CNTNAP2: variants seen among roughly 807,000 people sequenced by gnomAD.
CNTNAP2 encodes contactin associated protein 2.
CNTNAP2 carries 98 observed loss-of-function variants against 155.2 expected under a neutral mutation model. The observed-to-expected ratio is 0.63, with a 90% CI of 0.54 to 0.75. The LOEUF (loss-of-function observed/expected upper bound fraction) is 0.75, where lower values mean the gene tolerates loss of function less well. Among genes scored for constraint, CNTNAP2 ranks in the 30% least tolerant of loss-of-function variants. The pLI, the probability that CNTNAP2 is intolerant of heterozygous loss-of-function variation, is 0.00. For synonymous variants in CNTNAP2, 651 were observed against 631.2 expected (o/e 1.03, Z -0.47); for missense variants, 1,727 against 1,688.1 (o/e 1.02, Z -0.40).
intron 1 of CNTNAP2, among the ~76,000 whole-genome samples, chr7:146,575,956 T>G (rs1374454305): frequency 6.6e-6 from 1 of 152,168 alleles, no homozygotes; most frequent in Admixed American, 6.5e-5. Context: ...AGATACACCT[T>G]AATGGTGATT....
At chr7:147,738,656 T>TA (rs1796899992) in intron 13 of CNTNAP2, among the ~76,000 whole-genome samples, 1 of 57,638 alleles carries the variant, frequency 1.7e-5, no homozygotes, top group South Asian at 4.4e-4. Context: ...ATAACTTTTT[T>TA]TTTTTATTTT....
chr7:146,224,297 A>G (rs1799255403), intron 1 of CNTNAP2, among the ~76,000 whole-genome samples: 2 of 152,156 alleles, frequency 1.3e-5, no homozygotes, highest in African/African-American at 4.8e-5. Context: ...AAATGAAAAT[A>G]CTGTTTATTA....
chr7:146,313,674 G>A (rs1428014423), intron 1 of CNTNAP2, among the ~76,000 whole-genome samples: 4 of 152,050 alleles, frequency 2.6e-5, no homozygotes, highest in African/African-American at 9.7e-5. Context: ...TGTAGTTTTA[G>A]GTCTTATATT....
At chr7:147,034,606 G>T (rs1799111018) in intron 3 of CNTNAP2, among the ~76,000 whole-genome samples, 2 of 152,162 alleles carry the variant, frequency 1.3e-5, no homozygotes, top group Admixed American at 1.3e-4. Flanking sequence ...TCTTGCCTTG[G>T]TGTATCAGAA....
At position 148,118,103 on chromosome 7, in the gene CNTNAP2, G is replaced by C. The variant is rs1485587001; in HGVS notation, c.2384-15G>C. ...GGGTGTGAGTTAACCTGATTTTTTT[G>C]TTTTCTTCCCACAGGGAATTATTGG... On this transcript the variant is annotated splice_polypyrimidine_tract_variant and intron_variant, in intron 15 of 23. Coordinates refer to ENST00000361727, the MANE Select transcript of CNTNAP2 (RefSeq NM_014141.6). 6.2e-7 allele frequency: 1 copy of C among 1,613,430 alleles called. No homozygotes were observed. Among genetic ancestry groups the C allele is most frequent in the East Asian group, 2.2e-5 (1 of 44,868 alleles).
rs549912702 is a variant in CNTNAP2 at position 146,167,266 on chromosome 7, CATT to C, written c.97+50294_97+50296del. Among the ~76,000 whole-genome samples the C allele has an allele frequency of 8.0e-3, 1,217 of 152,260 alleles. 7 individuals are homozygous for C. The highest frequency in any genetic ancestry group is 0.014 in the Non-Finnish European group (958 of 68,016). On this transcript the variant is annotated intron_variant, in intron 1 of 23. Transcript: ENST00000361727. ...AAACATTTTACAGATAAATGACACT[CATT>C]GTTGGTCATATAAATATTACAGTGG...
intron 13 of CNTNAP2, among the ~76,000 whole-genome samples, chr7:147,697,938 C>T (rs1796186492): frequency 1.3e-5 from 2 of 152,142 alleles, no homozygotes; most frequent in South Asian, 4.1e-4. Flanking sequence ...GTGAGGACCC[C>T]CTATGACTGA....
chr7:146,372,898 C>G (rs1350006201), intron 1 of CNTNAP2, among the ~76,000 whole-genome samples: 1 of 152,204 alleles, frequency 6.6e-6, no homozygotes, highest in East Asian at 1.9e-4. Flanking sequence ...TTTGGGTTCT[C>G]ACCACAAACC....
At chr7:146,659,815 A>G (rs1800056821) in intron 1 of CNTNAP2, among the ~76,000 whole-genome samples, 1 of 152,232 alleles carries the variant, frequency 6.6e-6, no homozygotes, top group Non-Finnish European at 1.5e-5. Context: ...AATATCCATC[A>G]GTGCTCCAAT....
At chr7:146,119,457 G>A (rs1368515608) in intron 1 of CNTNAP2, among the ~76,000 whole-genome samples, 2 of 152,120 alleles carry the variant, frequency 1.3e-5, no homozygotes, top group African/African-American at 2.4e-5. Flanking sequence ...CTATGGTTAT[G>A]TAAAAATATA....
intron 4 of CNTNAP2, among the ~76,000 whole-genome samples, chr7:147,076,187 G>T (rs1025657703): frequency 6.6e-5 from 10 of 152,194 alleles, no homozygotes; most frequent in Non-Finnish European, 1.5e-4. Context: ...TCTAGTTCTA[G>T]ATCCTTGAGG....
chr7:148,179,715 G>A (rs1795003861), intron 18 of CNTNAP2, among the ~76,000 whole-genome samples: 1 of 150,280 alleles, frequency 6.7e-6, no homozygotes, highest in Non-Finnish European at 1.5e-5. Flanking sequence ...GGAGAAAGAG[G>A]GAGAGAAAGA....
At chr7:146,346,223 G>A (rs543463762) in intron 1 of CNTNAP2, among the ~76,000 whole-genome samples, 113 of 152,218 alleles carry the variant, frequency 7.4e-4, no homozygotes, top group African/African-American at 2.0e-3. Flanking sequence ...GGTGAGCAGC[G>A]GTGAGCCAGG....
intron 15 of CNTNAP2, among the ~76,000 whole-genome samples, chr7:148,115,997 G>A (rs1004996711): frequency 2.0e-5 from 3 of 151,942 alleles, no homozygotes; most frequent in African/African-American, 7.3e-5. Flanking sequence ...AAATTAGCCT[G>A]GCATGGTGGT....
chr7:147,056,834 G>A (rs1221293103), intron 4 of CNTNAP2, among the ~76,000 whole-genome samples: 2 of 152,230 alleles, frequency 1.3e-5, no homozygotes, highest in South Asian at 2.1e-4. Context: ...GCAGTGGTAT[G>A]ATCATGACTC....
chr7:148,240,416 C>T (rs1796123951), intron 20 of CNTNAP2, among the ~76,000 whole-genome samples: 1 of 152,022 alleles, frequency 6.6e-6, no homozygotes, highest in Non-Finnish European at 1.5e-5. Flanking sequence ...GGGTATCCAG[C>T]AAAAGAGAAT....
intron 18 of CNTNAP2, among the ~76,000 whole-genome samples, chr7:148,196,805 G>A (rs568986452): frequency 2.5e-4 from 38 of 152,226 alleles, no homozygotes; most frequent in African/African-American, 8.4e-4. Context: ...TGGGCAGCAG[G>A]GCAGTGGACA....
chr7:148,213,690 T>G (rs1297634131), intron 18 of CNTNAP2, among the ~76,000 whole-genome samples: 2 of 152,048 alleles, frequency 1.3e-5, no homozygotes, highest in Non-Finnish European at 2.9e-5. Context: ...TGTGGCAAAC[T>G]GAACTGCTCA....
chr7:146,218,544 A>C (rs1047878566), intron 1 of CNTNAP2, among the ~76,000 whole-genome samples: 9 of 149,592 alleles, frequency 6.0e-5, no homozygotes, highest in African/African-American at 1.5e-4. Context: ...AACAAACAAA[A>C]AAAATTGCCA....
Sources: gnomAD v4.1 joint callset for allele counts (sites outside exome capture counted in the v4.1 genomes callset) on GRCh38, gnomAD v4.1.1 for gene constraint, MANE v1.5 for transcripts, NCBI Gene and HGNC (gene_info 2026-07-23, HGNC 2026-07-21) for gene names.